The following ARHGEF10L variants were observed in gnomAD, a reference collection of about 807,000 sequenced individuals.
The protein encoded by ARHGEF10L is Rho guanine nucleotide exchange factor 10 like, also known as rho guanine nucleotide exchange factor 10-like protein.
ARHGEF10L carries 69 observed loss-of-function variants against 141.2 expected under a neutral mutation model. The ratio of observed to expected loss-of-function variants is 0.49; its 90% CI spans 0.40 to 0.60. The LOEUF is 0.60. Ranked by LOEUF, ARHGEF10L falls within the 20% of genes least tolerant of loss-of-function variation. The pLI, the probability that ARHGEF10L is intolerant of heterozygous loss-of-function variation, is 0.00. For synonymous variants in ARHGEF10L, 711 were observed against 718.5 expected, an observed-to-expected ratio of 0.99 and a Z score of 0.17; for missense variants, 1,482 against 1,734.3, an observed-to-expected ratio of 0.85 and a Z score of 2.58.
chr1:17,609,845 GA>G (rs2059450486), intron 7 of ARHGEF10L, among the ~76,000 whole-genome samples: 1 of 152,206 alleles, frequency 6.6e-6, no homozygotes, highest in African/African-American at 2.4e-5. Context: ...CTGCAGTTCA[GA>G]AGGGGCAGCA....
In ARHGEF10L at chr1:17,652,716, C is replaced by T. The variant is rs78103365; in HGVS notation, c.2395-1920C>T. Among the ~76,000 whole-genome samples the T allele has an allele frequency of 8.7e-3, 1,321 of 152,218 alleles. 42 individuals carry two copies. The highest frequency in any genetic ancestry group is 0.062 in the Admixed American group (948 of 15,294). Reference sequence around the variant, plus strand: ...TGGCAGGAGGGCAGGGAGGGTTCAGCGCAAACCCATTTCCCTGATGGTCAG... The same window carrying T: ...TGGCAGGAGGGCAGGGAGGGTTCAGTGCAAACCCATTTCCCTGATGGTCAG... On this transcript the variant is annotated intron_variant, in intron 22 of 28. Coordinates refer to ENST00000361221, the MANE Select transcript of ARHGEF10L (RefSeq NM_018125.4).
rs767939647 is a variant in ARHGEF10L, at chr1:17,687,686, T to G, written c.3123T>G (p.Thr1041=). The G allele has an allele frequency of 6.2e-7, 1 of 1,610,970 alleles. No homozygotes were observed. Among genetic ancestry groups the G allele is most frequent in the Non-Finnish European group, 8.5e-7 (1 of 1,178,812 alleles). Residue 1041 remains threonine (T), a synonymous_variant, in exon 27 of 29, where the codon ACT becomes ACG. Transcript: ENST00000361221. The stretch of plus-strand genomic sequence containing the variant: ...GCACCTCCATCCGCCTCTTCCACAC[T>G]GAGACCCTGGAGCATCTGCAAGAGA... ...SSGTSIRLFH[T]ETLEHLQEIN... is the part of the protein sequence containing the mutation.
At chr1:17,662,601 G>A (rs531582230) in intron 25 of ARHGEF10L, among the ~76,000 whole-genome samples, 1 of 152,230 alleles carries the variant, frequency 6.6e-6, no homozygotes, top group Admixed American at 6.5e-5. Flanking sequence ...GGGCATAAGG[G>A]CAGAAGGGGA....
intron 4 of ARHGEF10L, among the ~76,000 whole-genome samples, chr1:17,590,619 A>G (rs1174830298): frequency 1.3e-5 from 2 of 152,184 alleles, no homozygotes. Flanking sequence ...TGAGTGCCAA[A>G]GACGTCCTTG....
the ARHGEF10L span, among the ~76,000 whole-genome samples, chr1:17,515,804 G>T: frequency 6.6e-6 from 1 of 152,200 alleles, no homozygotes; most frequent in East Asian, 1.9e-4. Context: ...CACCATGCCT[G>T]GCTAACTTTT....
At chr1:17,696,753 A>T in intron 28 of ARHGEF10L, 95 bp from the exon 29 acceptor site, 1 of 1,293,712 alleles carries the variant, frequency 7.7e-7, no homozygotes, top group Non-Finnish European at 1.0e-6. Flanking sequence ...CCCCCCAAAT[A>T]CCCACCCAGA....
intron 1 of ARHGEF10L, among the ~76,000 whole-genome samples, chr1:17,571,170 C>A (rs1204154310): frequency 2.0e-5 from 3 of 152,012 alleles, no homozygotes; most frequent in Non-Finnish European, 4.4e-5. Context: ...GTAGCCTGAA[C>A]CTGGGAACTG....
At chr1:17,601,375 C>T (rs2080669659) in intron 4 of ARHGEF10L, among the ~76,000 whole-genome samples, 1 of 152,240 alleles carries the variant, frequency 6.6e-6, no homozygotes, top group Non-Finnish European at 1.5e-5. Context: ...ACTGGGCCAG[C>T]CCATCCTCAA....
In ARHGEF10L at chr1:17,623,045, G is replaced by A. The variant is rs751901583; in HGVS notation, c.1070G>A (p.Arg357His). 7 of 1,614,062 alleles carry A rather than the reference G, an allele frequency of 4.3e-6. No individual in the cohort carries two copies. Among genetic ancestry groups the A allele is most frequent in the African/African-American group, 4.0e-5 (3 of 75,056 alleles). Residue 357 changes from arginine (R) to histidine (H), a missense_variant, in exon 12 of 29, where the codon CGC becomes CAC. Arg to His is a conservative substitution (Grantham distance 29). Around this residue, in one of 3 missense-constraint regions of ARHGEF10L, gnomAD observed 392 missense variants for 542.1 expected, o/e 0.72. Transcript: ENST00000361221. The surrounding 1 kb of genome is among the most constrained non-coding windows in gnomAD (Gnocchi z 4.7). ...ATGGAGCCCAAGGCGCTGAGCGCCCGCAAGTGCCAGGTGGTGTTCTTCCGC... is the reference window on the plus strand; with the variant it reads ...ATGGAGCCCAAGGCGCTGAGCGCCCACAAGTGCCAGGTGGTGTTCTTCCGC... Reference protein sequence around the residue: ...MEMEPKALSARKCQVVFFRVK... With the variant: ...MEMEPKALSAHKCQVVFFRVK...
intron 9 of ARHGEF10L, among the ~76,000 whole-genome samples, 197 bp downstream of exon 9, chr1:17,616,399 C>T (rs528898318): frequency 2.6e-4 from 39 of 152,282 alleles, no homozygotes; most frequent in African/African-American, 8.9e-4. Flanking sequence ...CTCTGGCAGG[C>T]GTGGCCTGTC....
intron 4 of ARHGEF10L, among the ~76,000 whole-genome samples, chr1:17,600,708 C>A (rs1335738652): frequency 1.3e-5 from 2 of 152,082 alleles, no homozygotes; most frequent in African/African-American, 4.8e-5. Flanking sequence ...CTGCTCCAGC[C>A]CGTGGCAGTT....
rs143693615 is a variant in ARHGEF10L at position 17,551,451 on chromosome 1, G to T, written c.-44+11501G>T. ...TCCAGGCATGTGCCAAGGCTCAGGG[G>T]AGGGAATAGCAGGGCCATGTCAGGG... On this transcript the variant is annotated intron_variant, in intron 1 of 28. Coordinates refer to ENST00000361221, the MANE Select transcript of ARHGEF10L (RefSeq NM_018125.4). Among the ~76,000 whole-genome samples, 10 of 152,296 alleles carry T rather than the reference G, an allele frequency of 6.6e-5. No homozygotes were observed. In the East Asian group the frequency reaches 1.9e-3, roughly 29 times the overall value.
At chr1:17,574,592 G>A (rs890065991) in intron 1 of ARHGEF10L, among the ~76,000 whole-genome samples, 4 of 152,230 alleles carry the variant, frequency 2.6e-5, no homozygotes, top group Admixed American at 2.0e-4. Context: ...CTGCTGGAGA[G>A]CAGAGGATGA....
chr1:17,570,993 C>T (rs997016105), intron 1 of ARHGEF10L, among the ~76,000 whole-genome samples: 5 of 151,950 alleles, frequency 3.3e-5, no homozygotes, highest in Non-Finnish European at 7.4e-5. Flanking sequence ...GGTATGGGCA[C>T]GTTAAGGCTG....
chr1:17,538,649 C>T (rs922228374), upstream of ARHGEF10L, among the ~76,000 whole-genome samples: 7 of 149,770 alleles, frequency 4.7e-5, no homozygotes, highest in African/African-American at 1.7e-4. Flanking sequence ...TTCTTTGTCT[C>T]ACTGGTAGCC....
chr1:17,638,527 C>CTG, intron 19 of ARHGEF10L, 35 bp from the exon 20 acceptor site: 3 of 1,613,442 alleles, frequency 1.9e-6, no homozygotes, highest in Non-Finnish European at 1.7e-6. Context: ...AGCCAGTGTG[C>CTG]TGTGTGGTGA....
At chr1:17,602,359 C>G (rs2080768131) in intron 5 of ARHGEF10L, 141 bp downstream of exon 5, 1 of 893,328 alleles carries the variant, frequency 1.1e-6, no homozygotes, top group Non-Finnish European at 1.7e-6. Context: ...CCCTGGAGGA[C>G]CAACCACCGC....
intron 26 of ARHGEF10L, among the ~76,000 whole-genome samples, chr1:17,674,397 G>T (rs770144127): frequency 2.0e-5 from 3 of 152,226 alleles, no homozygotes; most frequent in Non-Finnish European, 2.9e-5. Flanking sequence ...CCCAGTGACA[G>T]CACAGGTCCT....
intron 3 of ARHGEF10L, among the ~76,000 whole-genome samples, chr1:17,587,989 T>C (rs1193344): frequency 1 from 152,216 of 152,364 alleles, 76,034 homozygotes; most frequent in Non-Finnish European, 1. Flanking sequence ...TCCCAGAGGT[T>C]CCCTCTCCTG....
Sources: gnomAD v4.1 joint callset for allele counts (sites outside exome capture counted in the v4.1 genomes callset) on GRCh38, gnomAD v4.1.1 for gene constraint, gnomAD v4.1.1 regional missense constraint, Gnocchi (gnomAD v3.1) non-coding constraint, MANE v1.5 for transcripts, NCBI Gene and HGNC (gene_info 2026-07-23, HGNC 2026-07-21) for gene names.